MAPK10: variants seen among roughly 807,000 people sequenced by gnomAD.
The protein encoded by MAPK10 is mitogen-activated protein kinase 10.
A neutral mutation model predicts 59.3 loss-of-function variants in MAPK10; 25 were observed. That is an observed-to-expected ratio of 0.42 (90% CI 0.31 to 0.59). The LOEUF (loss-of-function observed/expected upper bound fraction) is 0.59, where lower values mean the gene tolerates loss of function less well. MAPK10 is among the 20% of genes least tolerant of loss of function. The pLI, the probability that MAPK10 is intolerant of heterozygous loss-of-function variation, is 0.15. For missense variants in MAPK10, 351 were observed against 568.9 expected, an observed-to-expected ratio of 0.62 and a Z score of 3.90; for synonymous variants, 190 against 200.5, an observed-to-expected ratio of 0.95 and a Z score of 0.44.
At chr4:86,218,577 A>G (rs12644859) in intron 2 of MAPK10, among the ~76,000 whole-genome samples, 1 of 151,936 alleles carries the variant, frequency 6.6e-6, no homozygotes, top group Non-Finnish European at 1.5e-5. Context: ...GCAAAAAAAA[A>G]AAAAAAAAAA....
At chr4:86,589,901 G>A (rs1179238194) in intron 1 of MAPK10, among the ~76,000 whole-genome samples, 5 of 150,280 alleles carry the variant, frequency 3.3e-5, no homozygotes, top group Admixed American at 3.3e-4. Context: ...GGAGAATGGC[G>A]TGAACCCGGC....
At chr4:86,159,836 G>T (rs550554509) in intron 3 of MAPK10, among the ~76,000 whole-genome samples, 1 of 152,032 alleles carries the variant, frequency 6.6e-6, no homozygotes, top group African/African-American at 2.4e-5. Context: ...CAGGATTCAA[G>T]TAAATAAGAC....
intron 2 of MAPK10, among the ~76,000 whole-genome samples, chr4:86,268,735 T>C (rs1311893546): frequency 6.6e-6 from 1 of 152,216 alleles, no homozygotes; most frequent in East Asian, 1.9e-4. Flanking sequence ...TGTGGTTTCC[T>C]CCCAGAGGTC....
chr4:86,504,851 A>T (rs1218440046), intron 1 of MAPK10, among the ~76,000 whole-genome samples: 2 of 152,138 alleles, frequency 1.3e-5, no homozygotes, highest in Non-Finnish European at 1.5e-5. Flanking sequence ...AGAAGAGGAA[A>T]AGAAGTGCTA....
intron 1 of MAPK10, among the ~76,000 whole-genome samples, chr4:86,475,596 G>A (rs569315910): frequency 1.3e-5 from 2 of 152,078 alleles, no homozygotes; most frequent in South Asian, 2.1e-4. Flanking sequence ...TTAATCATGC[G>A]GGGATGCCTG....
At chr4:86,022,067 G>T (rs548545355) in intron 13 of MAPK10, among the ~76,000 whole-genome samples, 14 of 150,926 alleles carry the variant, frequency 9.3e-5, no homozygotes, top group Non-Finnish European at 1.5e-4. Flanking sequence ...CAGTGCAGTG[G>T]GGGGCTGAAA....
At chr4:86,334,954 C>A (rs1456704286) in intron 2 of MAPK10, 2 of 96,274 alleles carry the variant, frequency 2.1e-5, no homozygotes, top group Non-Finnish European at 4.7e-5. Context: ...AATAGTCTTT[C>A]ACATGTATGT....
intron 2 of MAPK10, among the ~76,000 whole-genome samples, chr4:86,269,796 A>C (rs537960043): frequency 6.6e-6 from 1 of 152,160 alleles, no homozygotes; most frequent in Non-Finnish European, 1.5e-5. Flanking sequence ...GCTTGTCACT[A>C]TGACAACAAA....
intron 1 of MAPK10, among the ~76,000 whole-genome samples, chr4:86,409,857 T>A (rs1744899380): frequency 1.3e-5 from 2 of 152,314 alleles, no homozygotes; most frequent in South Asian, 4.1e-4. Flanking sequence ...ACAGAGACAA[T>A]TTGACTTTCT....
At chr4:86,375,789 T>C (rs1249075891) in intron 1 of MAPK10, among the ~76,000 whole-genome samples, 5 of 109,680 alleles carry the variant, frequency 4.6e-5, no homozygotes, top group African/African-American at 1.1e-4. Flanking sequence ...AACAGTCAAA[T>C]AGAAAACACT....
At chr4:86,581,956 C>G (rs1360458890) in intron 1 of MAPK10, among the ~76,000 whole-genome samples, 1 of 124,812 alleles carries the variant, frequency 8.0e-6, no homozygotes, top group Non-Finnish European at 1.6e-5. Flanking sequence ...TATTCTAATA[C>G]TGCAGAGGCA....
At chr4:86,346,708 T>C (rs2148951859) in intron 2 of MAPK10, among the ~76,000 whole-genome samples, 1 of 145,504 alleles carries the variant, frequency 6.9e-6, no homozygotes, top group Middle Eastern at 3.4e-3. Flanking sequence ...CCAGGAATAC[T>C]GTATTTTTAA....
At chr4:86,555,026 G>A (rs1760148201) in intron 1 of MAPK10, among the ~76,000 whole-genome samples, 1 of 152,134 alleles carries the variant, frequency 6.6e-6, no homozygotes, top group Non-Finnish European at 1.5e-5. Flanking sequence ...CTGTCTTCTA[G>A]ACTATCCAAA....
At chr4:86,166,108 A>G (rs551886166) in intron 3 of MAPK10, among the ~76,000 whole-genome samples, 4 of 152,294 alleles carry the variant, frequency 2.6e-5, no homozygotes, top group South Asian at 2.1e-4. Flanking sequence ...TTGAATACTT[A>G]TTAGGCACCA....
chr4:86,532,107 T>C (rs868114788), intron 1 of MAPK10, among the ~76,000 whole-genome samples: 21 of 148,394 alleles, frequency 1.4e-4, no homozygotes, highest in Non-Finnish European at 2.7e-4. Context: ...TACATATATA[T>C]ATAATTTTAA....
chr4:86,451,630 T>A (rs892938606), intron 1 of MAPK10, among the ~76,000 whole-genome samples: 1 of 152,130 alleles, frequency 6.6e-6, no homozygotes, highest in African/African-American at 2.4e-5. Context: ...AGCAAAGGTG[T>A]GAACCACTTC....
intron 9 of MAPK10, chr4:86,080,555 C>G (rs1037848010): frequency 1.3e-5 from 2 of 151,832 alleles, no homozygotes; most frequent in Admixed American, 1.3e-4. Flanking sequence ...AAAGATACTT[C>G]CAAAATACGT....
At chr4:86,429,783 G>T (rs1747788165) in intron 1 of MAPK10, 1 of 151,218 alleles carries the variant, frequency 6.6e-6, no homozygotes, top group Non-Finnish European at 1.5e-5. Flanking sequence ...ATCCAGCCTG[G>T]GTGACAGAAC....
intron 1 of MAPK10, among the ~76,000 whole-genome samples, chr4:86,513,254 C>T (rs1756419988): frequency 6.6e-6 from 1 of 151,990 alleles, no homozygotes; most frequent in Non-Finnish European, 1.5e-5. Context: ...CACTATATTG[C>T]CCAGGCTGGT....
Sources: gnomAD v4.1 joint callset for allele counts (sites outside exome capture counted in the v4.1 genomes callset) on GRCh38, gnomAD v4.1.1 for gene constraint, MANE v1.5 for transcripts, NCBI Gene and HGNC (gene_info 2026-07-23, HGNC 2026-07-21) for gene names.